Variants in XPNPEP1 observed in about 807,000 individuals in gnomAD.
The protein encoded by XPNPEP1 is X-prolyl aminopeptidase 1.
Under a neutral mutation model 92.4 loss-of-function variants are expected in XPNPEP1, and 39 were observed. The observed-to-expected ratio is 0.42, with a 90% CI of 0.33 to 0.55. The LOEUF is 0.55. Ranked by LOEUF, XPNPEP1 falls within the 20% of genes least tolerant of loss-of-function variation. The pLI is 0.08. For missense variants in XPNPEP1, 654 were observed against 856.1 expected (o/e 0.76, Z 2.95); for synonymous variants, 307 against 299.4 (o/e 1.03, Z -0.26).
intron 3 of XPNPEP1, among the ~76,000 whole-genome samples, chr10:109,902,903 TC>T (rs1849360519): frequency 6.6e-6 from 1 of 152,164 alleles, no homozygotes; most frequent in South Asian, 2.1e-4. Flanking sequence ...GCCTGGAACA[TC>T]CCCTGTGGCT....
rs1370690368 is a variant in XPNPEP1 at position 109,878,063 on chromosome 10, G to A, written c.1183-5C>T. The A allele has an allele frequency of 1.2e-6, 2 of 1,614,188 alleles. No individual in the cohort carries two copies. Among genetic ancestry groups the A allele is most frequent in the Admixed American group, 3.3e-5 (2 of 60,028 alleles). On this transcript the variant is annotated splice_region_variant and splice_polypyrimidine_tract_variant and intron_variant, in intron 12 of 20. Transcript: ENST00000502935. ...TGTCACACCACCTTTGGGAACCTATGAGAAAATTGCTTATAAATCATCTGG... is the reference window on the plus strand; with the variant it reads ...TGTCACACCACCTTTGGGAACCTATAAGAAAATTGCTTATAAATCATCTGG...
At chr10:109,868,346 A>G (rs555735165) in intron 20 of XPNPEP1, among the ~76,000 whole-genome samples, 1 of 151,812 alleles carries the variant, frequency 6.6e-6, no homozygotes, top group Non-Finnish European at 1.5e-5. Flanking sequence ...ACAATGGCAT[A>G]CGAGTTCCAC....
At chr10:109,898,087 T>G (rs370104212) in intron 3 of XPNPEP1, among the ~76,000 whole-genome samples, 1 of 152,230 alleles carries the variant, frequency 6.6e-6, no homozygotes, top group African/African-American at 2.4e-5. Context: ...ACGAGGTGTA[T>G]GCTGCACTTA....
intron 1 of XPNPEP1, among the ~76,000 whole-genome samples, chr10:109,918,133 C>A (rs1474479328): frequency 6.6e-6 from 1 of 151,242 alleles, no homozygotes; most frequent in African/African-American, 2.4e-5. Flanking sequence ...AACAAAAAAA[C>A]AAAAAAGCCC....
At chr10:109,915,220 C>G in intron 1 of XPNPEP1, 121 bp from the exon 2 acceptor site, 1 of 466,272 alleles carries the variant, frequency 2.1e-6, no homozygotes, top group Non-Finnish European at 3.6e-6. Flanking sequence ...GAACTTTCAC[C>G]CCCATTATCA....
At chr10:109,874,166 A>G (rs1847643969) in intron 15 of XPNPEP1, among the ~76,000 whole-genome samples, 1 of 152,220 alleles carries the variant, frequency 6.6e-6, no homozygotes, top group African/African-American at 2.4e-5. Flanking sequence ...AAAAAATGAA[A>G]CAAAGTGTGA....
intron 8 of XPNPEP1, 148 bp downstream of exon 8, chr10:109,886,098 G>T: frequency 1.4e-6 from 1 of 725,644 alleles, no homozygotes. Context: ...CTTCATCCTA[G>T]TTGGCATCTC....
Position 109,923,495 on chromosome 10 carries a change from G to C in XPNPEP1, c.-62C>G. 7.7e-7 allele frequency: 1 copy of C among 1,300,440 alleles called. No individual in the cohort carries two copies. The highest frequency in any genetic ancestry group is 9.8e-7 in the Non-Finnish European group (1 of 1,016,520). 80.6% of individuals were successfully genotyped at this position (1,300,440 alleles called of 1,614,324 possible). A position where few individuals can be genotyped will look rare whatever the true frequency, so the allele number is the denominator to read the frequency against. ...GCAGACCAGCTGATCACCCGCGGAAGGGCCGGCGCGAAGGAGGCGCGAGAG... is the reference window on the plus strand; with the variant it reads ...GCAGACCAGCTGATCACCCGCGGAACGGCCGGCGCGAAGGAGGCGCGAGAG... On this transcript the variant is annotated 5_prime_UTR_variant, in exon 1 of 21. Transcript: ENST00000502935.
At chr10:109,873,224 C>T in intron 16 of XPNPEP1, 143 bp downstream of exon 16, 5 of 886,112 alleles carry the variant, frequency 5.6e-6, no homozygotes, top group South Asian at 3.3e-5. Flanking sequence ...CCTCGTAAAG[C>T]AGATAAGCCT....
chr10:109,886,147 T>C, intron 8 of XPNPEP1, 99 bp downstream of exon 8: 7 of 1,192,196 alleles, frequency 5.9e-6, no homozygotes, highest in Non-Finnish European at 8.5e-6. Flanking sequence ...TCTTATTCCC[T>C]GGCCACTCAG....
rs150981586 is a variant in XPNPEP1, at chr10:109,878,380, T to C, written c.1183-322A>G. On this transcript the variant is annotated intron_variant, in intron 12 of 20. Coordinates refer to ENST00000502935, the MANE Select transcript of XPNPEP1 (RefSeq NM_020383.4). The stretch of plus-strand genomic sequence containing the variant: ...AGAAATCATCGTAAGAAAATCATTC[T>C]AGAGAAATAAAAAAGATAAATGCGG... The C allele has an allele frequency of 9.0e-5, 22 of 243,998 alleles. 1 individual carries two copies. The East Asian group carries it at 1.8e-3, about 20-fold the overall frequency. The allele number at this position is 243,998 out of a possible 1,614,324, so 15.1% of individuals were successfully genotyped here.
chr10:109,906,149 TGGTGGACC>T (rs889526212), intron 3 of XPNPEP1, among the ~76,000 whole-genome samples: 2 of 152,290 alleles, frequency 1.3e-5, no homozygotes, highest in African/African-American at 4.8e-5. Context: ...CATGGTGGAC[TGGTGGACC>T]CCCATTACTC....
At chr10:109,893,338 T>A (rs538795134) in intron 3 of XPNPEP1, 2 of 347,534 alleles carry the variant, frequency 5.8e-6, no homozygotes, top group South Asian at 2.2e-4. Flanking sequence ...GAGAAACAGA[T>A]AAAAACTGCT....
chr10:109,873,651 A>G (rs1407619318), intron 15 of XPNPEP1: 13 of 537,286 alleles, frequency 2.4e-5, no homozygotes, highest in Non-Finnish European at 4.0e-5. Context: ...AGAACTGAAA[A>G]CATACATCCA....
chr10:109,875,429 C>T (rs1847732427), intron 15 of XPNPEP1, 99 bp downstream of exon 15: 8 of 1,058,936 alleles, frequency 7.6e-6, no homozygotes, highest in South Asian at 1.4e-5. Flanking sequence ...GCACAGAGGG[C>T]GATGACCAGC....
chr10:109,870,343 T>A (rs957706822), intron 18 of XPNPEP1, among the ~76,000 whole-genome samples: 31 of 152,102 alleles, frequency 2.0e-4, no homozygotes, highest in African/African-American at 7.5e-4. Flanking sequence ...GGCATTAAAA[T>A]ATATTTACAA....
intron 1 of XPNPEP1, 90 bp from the exon 2 acceptor site, chr10:109,915,189 G>C: frequency 1.6e-6 from 1 of 642,274 alleles, no homozygotes; most frequent in Non-Finnish European, 2.4e-6. Flanking sequence ...TAACTTAGCA[G>C]TTCTCTAACA....
In XPNPEP1 at chr10:109,923,500, G is replaced by T; in HGVS notation, c.-67C>A. On this transcript the variant is annotated 5_prime_UTR_variant, in exon 1 of 21. Coordinates refer to ENST00000502935, the MANE Select transcript of XPNPEP1 (RefSeq NM_020383.4). Reference sequence around the variant, plus strand: ...CCAGCTGATCACCCGCGGAAGGGCCGGCGCGAAGGAGGCGCGAGAGCCGGC... The same window carrying T: ...CCAGCTGATCACCCGCGGAAGGGCCTGCGCGAAGGAGGCGCGAGAGCCGGC... The T allele has an allele frequency of 2.4e-6, 3 of 1,272,984 alleles. No homozygotes were observed. Among genetic ancestry groups the T allele is most frequent in the Non-Finnish European group, 2.0e-6 (2 of 1,003,552 alleles). 78.9% of individuals were successfully genotyped at this position (1,272,984 alleles called of 1,614,324 possible).
chr10:109,896,813 G>A (rs1849018430), intron 3 of XPNPEP1, among the ~76,000 whole-genome samples: 1 of 152,108 alleles, frequency 6.6e-6, no homozygotes, highest in Non-Finnish European at 1.5e-5. Flanking sequence ...AAGGGACCAT[G>A]AGCCAAGGAA....
Sources: gnomAD v4.1 joint callset for allele counts (sites outside exome capture counted in the v4.1 genomes callset) on GRCh38, gnomAD v4.1.1 for gene constraint, MANE v1.5 for transcripts, NCBI Gene and HGNC (gene_info 2026-07-23, HGNC 2026-07-21) for gene names.